ROR1: variants seen among roughly 807,000 people sequenced by gnomAD.
ROR1 encodes inactive tyrosine-protein kinase transmembrane receptor ROR1.
In ROR1, 19 loss-of-function variants were observed where a neutral mutation model predicts 78.8. The observed-to-expected ratio is 0.24, with a 90% CI of 0.17 to 0.35. ROR1 has a LOEUF of 0.35. Among genes scored for constraint, ROR1 ranks in the 10% least tolerant of loss-of-function variants. ROR1 has a pLI of 1.00. For missense variants in ROR1, 917 were observed against 1,177.8 expected, an observed-to-expected ratio of 0.78 and a Z score of 3.24; for synonymous variants, 386 against 433.6, an observed-to-expected ratio of 0.89 and a Z score of 1.36.
At chr1:63,983,271 G>A (rs983731561) in intron 1 of ROR1, among the ~76,000 whole-genome samples, 11 of 152,174 alleles carry the variant, frequency 7.2e-5, no homozygotes, top group Non-Finnish European at 1.5e-4. Flanking sequence ...CATCTGAATT[G>A]CTCTTTAAGA....
At chr1:64,137,640 T>G (rs1350968147) in intron 5 of ROR1, 144 bp downstream of exon 5, 1 of 681,780 alleles carries the variant, frequency 1.5e-6, no homozygotes, top group East Asian at 2.9e-5. Context: ...AGACATGATC[T>G]CTGTGCTCTG....
chr1:63,920,775 A>C (rs1159884871), intron 1 of ROR1, among the ~76,000 whole-genome samples: 1 of 152,194 alleles, frequency 6.6e-6, no homozygotes, highest in East Asian at 1.9e-4. Context: ...CTATTTCTTA[A>C]GATAAGTTTG....
At chr1:64,126,097 C>A (rs889335701) in intron 4 of ROR1, among the ~76,000 whole-genome samples, 1 of 151,976 alleles carries the variant, frequency 6.6e-6, no homozygotes, top group Non-Finnish European at 1.5e-5. Context: ...AAGACTGAAC[C>A]GAAACTGGAA....
intron 1 of ROR1, among the ~76,000 whole-genome samples, chr1:63,925,023 A>G (rs954676145): frequency 3.2e-4 from 29 of 91,412 alleles, no homozygotes; most frequent in African/African-American, 1.1e-3. Flanking sequence ...TTATTTTTTT[A>G]TTATTATACT....
chr1:64,177,700 G>C lies in ROR1; in HGVS notation c.1659G>C (p.Glu553Asp). 6.2e-7 allele frequency: 1 copy of C among 1,614,174 alleles called. No individual in the cohort carries two copies. The highest frequency in any genetic ancestry group is 1.1e-5 in the South Asian group (1 of 91,084). The change falls in exon 9 of 9, where the codon GAG becomes GAC. Residue 553 changes from glutamate (E) to aspartate (D), a missense_variant. Physicochemically the swap from Glu to Asp is conservative, Grantham distance 45 (BLOSUM62 2). Around this residue, in one of 3 missense-constraint regions of ROR1, gnomAD observed 835 missense variants for 1,069.8 expected, o/e 0.78. Transcript: ENST00000371079. The part of the protein sequence containing the change: ...TQEQPVCMLF[E>D]YINQGDLHEF... ...AACAACCTGTGTGCATGCTTTTTGA[G>C]TATATTAATCAGGGGGATCTCCATG...
chr1:64,139,417 G>T (rs1649230119), intron 5 of ROR1, among the ~76,000 whole-genome samples: 2 of 152,050 alleles, frequency 1.3e-5, no homozygotes, highest in Non-Finnish European at 2.9e-5. Flanking sequence ...CAACCTCCTA[G>T]GTTTCCTTGT....
intron 1 of ROR1, among the ~76,000 whole-genome samples, chr1:63,793,284 A>G (rs1644737873): frequency 6.6e-6 from 1 of 152,226 alleles, no homozygotes; most frequent in South Asian, 2.1e-4. Context: ...GTTGGCTTCT[A>G]CCATGATGGC....
At chr1:64,009,176 A>G (rs957109672) in intron 1 of ROR1, 129 bp from the exon 2 acceptor site, 23 of 709,346 alleles carry the variant, frequency 3.2e-5, no homozygotes, top group Admixed American at 8.3e-5. Flanking sequence ...CTAATAAGCT[A>G]TGGGATTGCC....
At chr1:63,789,161 C>T in intron 1 of ROR1, 1 of 596,078 alleles carries the variant, frequency 1.7e-6, no homozygotes. Context: ...GGATCATCAG[C>T]CCATCTTTGA....
chr1:63,788,456 C>T (rs548641484), intron 1 of ROR1, among the ~76,000 whole-genome samples: 4 of 152,076 alleles, frequency 2.6e-5, no homozygotes, highest in African/African-American at 9.6e-5. Context: ...ATCACTAAAA[C>T]GTGTTGACTG....
intron 4 of ROR1, among the ~76,000 whole-genome samples, chr1:64,088,845 G>A (rs1647173625): frequency 6.6e-6 from 1 of 152,142 alleles, no homozygotes; most frequent in South Asian, 2.1e-4. Context: ...TCCTTGGAAA[G>A]CAATACAGAC....
In ROR1 at chr1:63,858,514, C is replaced by T. The variant is rs150563821; in HGVS notation, c.91+84006C>T. Among the ~76,000 whole-genome samples, 7 of 152,318 alleles carry T rather than the reference C, an allele frequency of 4.6e-5. No homozygotes were observed. In the East Asian group the frequency reaches 1.2e-3, roughly 25 times the overall value. On this transcript the variant is annotated intron_variant, in intron 1 of 8. Transcript: ENST00000371079. Reference sequence around the variant, plus strand: ...ATGACACAGTGATTCTGTGGCTAAACCAAGATTAGACCCTACCACTTTAAA... The same window carrying T: ...ATGACACAGTGATTCTGTGGCTAAATCAAGATTAGACCCTACCACTTTAAA...
At chr1:63,909,332 T>G (rs1645551610) in intron 1 of ROR1, among the ~76,000 whole-genome samples, 1 of 152,200 alleles carries the variant, frequency 6.6e-6, no homozygotes, top group South Asian at 2.1e-4. Context: ...TCAATTGCTT[T>G]TAGTGAATGG....
At chr1:64,103,600 C>T (rs1647660876) in intron 4 of ROR1, among the ~76,000 whole-genome samples, 1 of 152,094 alleles carries the variant, frequency 6.6e-6, no homozygotes, top group Non-Finnish European at 1.5e-5. Context: ...GCTTTGAGAA[C>T]TTAGTATATT....
intron 4 of ROR1, among the ~76,000 whole-genome samples, chr1:64,079,638 C>G (rs527958420): frequency 7.2e-5 from 11 of 152,082 alleles, no homozygotes; most frequent in South Asian, 6.2e-4. Context: ...CCTGCAACCA[C>G]GCCCAGCTAG....
At chr1:63,884,813 G>A (rs865856802) in intron 1 of ROR1, among the ~76,000 whole-genome samples, 3 of 151,738 alleles carry the variant, frequency 2.0e-5, no homozygotes, top group South Asian at 2.1e-4. Flanking sequence ...CGGGAAAAGT[G>A]CCTGACTTGT....
At chr1:64,117,321 G>A (rs968689675) in intron 4 of ROR1, among the ~76,000 whole-genome samples, 4 of 152,074 alleles carry the variant, frequency 2.6e-5, no homozygotes, top group Admixed American at 2.6e-4. Context: ...TGATTTTGAG[G>A]ATCAAATAGA....
intron 1 of ROR1, among the ~76,000 whole-genome samples, chr1:63,803,852 GA>G (rs1165712155): frequency 6.6e-6 from 1 of 152,098 alleles, no homozygotes; most frequent in East Asian, 1.9e-4. Flanking sequence ...CCATACCGTG[GA>G]ATACTACTTC....
chr1:64,146,727 A>G (rs111253826), intron 7 of ROR1, among the ~76,000 whole-genome samples: 2,067 of 152,350 alleles, frequency 0.014, 43 homozygotes, highest in African/African-American at 0.046. Context: ...CCCTTCCTGC[A>G]GCATCCAGAT....
Sources: gnomAD v4.1 joint callset for allele counts (sites outside exome capture counted in the v4.1 genomes callset) on GRCh38, gnomAD v4.1.1 for gene constraint, gnomAD v4.1.1 regional missense constraint, MANE v1.5 for transcripts, NCBI Gene and HGNC (gene_info 2026-07-23, HGNC 2026-07-21) for gene names.